The following TANGO2 variants were observed in gnomAD, a reference collection of about 807,000 sequenced individuals.
The protein encoded by TANGO2 is transport and golgi organization 2 homolog.
A neutral mutation model predicts 39.1 loss-of-function variants in TANGO2; 26 were observed. The ratio of observed to expected loss-of-function variants is 0.67; its 90% confidence interval spans 0.49 to 0.92. The LOEUF is 0.92. Among genes scored for constraint, TANGO2 ranks in the 40% least tolerant of loss-of-function variants. The pLI, the probability that TANGO2 is intolerant of heterozygous loss-of-function variation, is 0.00. For synonymous variants in TANGO2, 131 were observed against 144.5 expected (o/e 0.91, Z 0.67); for missense variants, 326 against 360.1 (o/e 0.91, Z 0.77).
intron 2 of TANGO2, among the ~76,000 whole-genome samples, chr22:20,037,432 G>T (rs190152071): frequency 1.9e-3 from 282 of 152,336 alleles, no homozygotes; most frequent in African/African-American, 6.5e-3. Context: ...GAACGAGGCA[G>T]AGATATAACC....
intron 3 of TANGO2, among the ~76,000 whole-genome samples, chr22:20,049,299 C>T (rs2045841300): frequency 6.6e-6 from 1 of 152,112 alleles, no homozygotes; most frequent in South Asian, 2.1e-4. Flanking sequence ...CTGTTGTATC[C>T]CATTGATCTA....
At chr22:20,042,712 C>T (rs1265793336) in intron 2 of TANGO2, among the ~76,000 whole-genome samples, 1 of 152,132 alleles carries the variant, frequency 6.6e-6, no homozygotes, top group African/African-American at 2.4e-5. Flanking sequence ...TTGCAGTGAG[C>T]CGATGTCACG....
intron 2 of TANGO2, among the ~76,000 whole-genome samples, chr22:20,040,887 C>G (rs958672616): frequency 6.6e-6 from 1 of 152,212 alleles, no homozygotes; most frequent in African/African-American, 2.4e-5. Flanking sequence ...TCCCCCTACC[C>G]CAGGCAGCAC....
chr22:20,032,670 A>G (rs1338967399), intron 1 of TANGO2, among the ~76,000 whole-genome samples: 1 of 152,190 alleles, frequency 6.6e-6, no homozygotes, highest in Non-Finnish European at 1.5e-5. Flanking sequence ...CCTCACCTGG[A>G]AAGCCAGGCA....
chr22:20,062,476 TCCTCTGGG>T (rs2048564336), intron 7 of TANGO2, among the ~76,000 whole-genome samples: 1 of 152,006 alleles, frequency 6.6e-6, no homozygotes, highest in Non-Finnish European at 1.5e-5. Flanking sequence ...ACCCTCCTTC[TCCTCTGGG>T]CCTCTGATAG....
intron 1 of TANGO2, among the ~76,000 whole-genome samples, chr22:20,033,728 G>A (rs1183201627): frequency 6.6e-6 from 1 of 152,238 alleles, no homozygotes; most frequent in Non-Finnish European, 1.5e-5. Flanking sequence ...TGGCCACATG[G>A]TGAGTGCTGG....
chr22:20,022,593 G>T (rs767749588), intron 1 of TANGO2, among the ~76,000 whole-genome samples: 1 of 152,254 alleles, frequency 6.6e-6, no homozygotes, highest in African/African-American at 2.4e-5. Context: ...CCAGCCTCTT[G>T]TGCTTCCTTG....
At chr22:20,045,165 G>T (rs1325197486) in intron 3 of TANGO2, among the ~76,000 whole-genome samples, 2 of 151,994 alleles carry the variant, frequency 1.3e-5, no homozygotes, top group East Asian at 3.9e-4. Context: ...CCCTGGGCCG[G>T]TGGCTCACAC....
At chr22:20,033,555 CA>C (rs1225342393) in intron 1 of TANGO2, among the ~76,000 whole-genome samples, 2 of 152,240 alleles carry the variant, frequency 1.3e-5, no homozygotes, top group Admixed American at 6.5e-5. Flanking sequence ...TCTAACACCC[CA>C]GAGGAGCATG....
At chr22:20,045,442 A>G (rs1271111221) in intron 3 of TANGO2, among the ~76,000 whole-genome samples, 1 of 152,040 alleles carries the variant, frequency 6.6e-6, no homozygotes. Flanking sequence ...TGTCTGAAAA[A>G]AAAGAAAAGA....
chr22:20,037,032 C>G lies in TANGO2; in HGVS notation c.56+178C>G, dbSNP rs116666405. 1.9e-6 allele frequency: 3 copies of G among 1,561,194 alleles called. No homozygotes were observed. In the African/African-American group the frequency reaches 4.1e-5, roughly 21 times the overall value. The stretch of plus-strand genomic sequence containing the variant: ...TGTGGGATGCTGTCAGAATGCCTCT[C>G]GGGGCGGGGACTCCAGTCAATGTAC... On this transcript the variant is annotated intron_variant, in intron 2 of 8. Transcript: ENST00000327374.
At chr22:20,054,357 C>T (rs1439540896) in intron 5 of TANGO2, 2 of 155,868 alleles carry the variant, frequency 1.3e-5, no homozygotes, top group Non-Finnish European at 2.8e-5. Context: ...GTGGCAGAGC[C>T]CCTGTGCTCT....
intron 2 of TANGO2, among the ~76,000 whole-genome samples, chr22:20,039,366 C>T (rs536095528): frequency 1.3e-5 from 2 of 151,850 alleles, no homozygotes; most frequent in East Asian, 3.9e-4. Context: ...CGGTGGCTCA[C>T]GCCTGTAATC....
At chr22:20,022,960 G>A (rs545326632) in intron 1 of TANGO2, among the ~76,000 whole-genome samples, 11 of 152,222 alleles carry the variant, frequency 7.2e-5, no homozygotes, top group Non-Finnish European at 1.6e-4. Flanking sequence ...GCCTTTGTTG[G>A]CCCCTACCAT....
At chr22:20,037,161 G>C (rs551577600) in intron 2 of TANGO2, 1 of 1,468,822 alleles carries the variant, frequency 6.8e-7, no homozygotes, top group Non-Finnish European at 9.0e-7. Context: ...AGGGTCGGGC[G>C]GCAGAACTGG....
rs1001202853 is a variant in TANGO2, at chr22:20,064,896, C to T, written c.*234C>T. Reference sequence around the variant, plus strand: ...GTCTGATACTAGGTCTAGGACCGGCCGAGGTATACCATGAACATGTGGATA... The same window carrying T: ...GTCTGATACTAGGTCTAGGACCGGCTGAGGTATACCATGAACATGTGGATA... On this transcript the variant is annotated 3_prime_UTR_variant, in exon 9 of 9. Coordinates refer to ENST00000327374, the MANE Select transcript of TANGO2 (RefSeq NM_152906.7). 9 of 536,144 alleles carry T rather than the reference C, an allele frequency of 1.7e-5. No homozygotes were observed. Among genetic ancestry groups the T allele is most frequent in the African/African-American group, 1.5e-4 (8 of 52,638 alleles). The allele number at this position is 536,144 out of a possible 1,614,324, so 33.2% of individuals were successfully genotyped here.
Position 20,039,269 on chromosome 22 carries a change from G to A in TANGO2, c.56+2415G>A, listed in dbSNP as rs145758960. Among the ~76,000 whole-genome samples the A allele has an allele frequency of 4.5e-4, 69 of 151,734 alleles. No homozygotes were observed. The Middle Eastern group carries it at 0.02, about 45-fold the overall frequency. ...TATTTGGTAATTTGATACCCATCAC[G>A]GAAAACCAAGACCCTGCAGCAAGAT... On this transcript the variant is annotated intron_variant, in intron 2 of 8. Coordinates refer to ENST00000327374, the MANE Select transcript of TANGO2 (RefSeq NM_152906.7).
intron 3 of TANGO2, chr22:20,048,081 C>G (rs571067212): frequency 1.3e-5 from 2 of 152,066 alleles, no homozygotes; most frequent in South Asian, 4.1e-4. Context: ...CTTGCCACCA[C>G]GCCCAGCTAA....
chr22:20,029,467 C>T (rs2041423319), intron 1 of TANGO2, among the ~76,000 whole-genome samples: 1 of 152,168 alleles, frequency 6.6e-6, no homozygotes, highest in East Asian at 1.9e-4. Context: ...GCTAGGGGAA[C>T]GTATGCTGGG....
Sources: gnomAD v4.1 joint callset for allele counts (sites outside exome capture counted in the v4.1 genomes callset) on GRCh38, gnomAD v4.1.1 for gene constraint, MANE v1.5 for transcripts, NCBI Gene and HGNC (gene_info 2026-07-23, HGNC 2026-07-21) for gene names.